The following ANXA11 variants were observed in gnomAD, a reference collection of about 807,000 sequenced individuals.
The protein encoded by ANXA11 is 56 kDa autoantigen.
Under a neutral mutation model 64.7 loss-of-function variants are expected in ANXA11, and 57 were observed. The observed-to-expected ratio is 0.88, with a 90% CI of 0.71 to 1.10. The LOEUF (loss-of-function observed/expected upper bound fraction) is 1.10. ANXA11 is among the 50% of genes least tolerant of loss of function. The pLI is 0.00. For synonymous variants in ANXA11, 260 were observed against 265.2 expected, an observed-to-expected ratio of 0.98 and a Z score of 0.19; for missense variants, 675 against 670.7, an observed-to-expected ratio of 1.01 and a Z score of -0.07.
intron 13 of ANXA11, among the ~76,000 whole-genome samples, 171 bp downstream of exon 13, chr10:80,158,929 G>C (rs1323511547): frequency 1.3e-5 from 2 of 152,130 alleles, no homozygotes; most frequent in East Asian, 1.9e-4. Context: ...ACTGCACAGG[G>C]AACCGGGAAG....
intron 1 of ANXA11, among the ~76,000 whole-genome samples, chr10:80,186,926 C>T (rs1846562992): frequency 6.6e-6 from 1 of 152,220 alleles, no homozygotes; most frequent in Non-Finnish European, 1.5e-5. Flanking sequence ...ACATAAGAGC[C>T]AATGCTCAGT....
intron 1 of ANXA11, among the ~76,000 whole-genome samples, chr10:80,198,124 G>C (rs1229282576): frequency 6.6e-6 from 1 of 152,234 alleles, no homozygotes; most frequent in Non-Finnish European, 1.5e-5. Flanking sequence ...AGGAACAGAA[G>C]CTGCCTTGCT....
chr10:80,173,197 A>G (rs1324596350), intron 2 of ANXA11, among the ~76,000 whole-genome samples: 1 of 152,230 alleles, frequency 6.6e-6, no homozygotes, highest in African/African-American at 2.4e-5. Context: ...GCAAGGGTGC[A>G]GTGCGCCTCT....
intron 1 of ANXA11, among the ~76,000 whole-genome samples, chr10:80,201,659 G>A (rs767638936): frequency 1.1e-4 from 16 of 152,162 alleles, no homozygotes; most frequent in Admixed American, 2.6e-4. Context: ...TGGGTTCTCA[G>A]TAATAAGCAG....
intron 12 of ANXA11, among the ~76,000 whole-genome samples, chr10:80,159,591 A>G (rs1845425295): frequency 6.6e-6 from 1 of 152,140 alleles, no homozygotes. Flanking sequence ...TGAGCAGACT[A>G]ACAGAGGACT....
chr10:80,165,880 C>A lies in ANXA11; in HGVS notation c.858+204G>T, dbSNP rs181155245. Among the ~76,000 whole-genome samples, 10 of 152,284 alleles carry A rather than the reference C, an allele frequency of 6.6e-5. No individual in the cohort carries two copies. The East Asian group carries it at 1.7e-3, about 26-fold the overall frequency. Reference sequence around the variant, plus strand: ...TGCGTCATTTGCCTCTTGGGGAAATCACAGGGAGTTCCCTTTTCTATAGCA... The same window carrying A: ...TGCGTCATTTGCCTCTTGGGGAAATAACAGGGAGTTCCCTTTTCTATAGCA... On this transcript the variant is annotated intron_variant, in intron 8 of 15. Transcript: ENST00000422982.
chr10:80,189,728 C>T (rs1425697593), intron 1 of ANXA11, among the ~76,000 whole-genome samples: 2 of 152,162 alleles, frequency 1.3e-5, no homozygotes, highest in Admixed American at 6.5e-5. Context: ...CACAAAGTTT[C>T]GGACTTTGGA....
At chr10:80,166,613 A>G in intron 7 of ANXA11, 1 of 510,106 alleles carries the variant, frequency 2.0e-6, no homozygotes. Context: ...AGGGCAGGGG[A>G]AGGAAAATGA....
At chr10:80,203,032 C>T (rs775372154) in intron 1 of ANXA11, among the ~76,000 whole-genome samples, 12 of 114,336 alleles carry the variant, frequency 1.0e-4, no homozygotes, top group African/African-American at 2.2e-4. Flanking sequence ...GGTGACAGGG[C>T]GAAATCTGTC....
chr10:80,189,501 C>T (rs547574306), intron 1 of ANXA11, among the ~76,000 whole-genome samples: 2 of 152,282 alleles, frequency 1.3e-5, no homozygotes, highest in East Asian at 3.9e-4. Context: ...ATAGAACTAC[C>T]ATACGATCCA....
rs538088576 is a variant in ANXA11 at position 80,160,413 on chromosome 10, T to G, written c.1181-1218A>C. ...CCTACTTCCTCTACCACCCTGTGCC[T>G]GCTTTCACAGCTGCGAATGGGGAGA... On this transcript the variant is annotated intron_variant, in intron 12 of 15. Transcript: ENST00000422982. 2.0e-5 allele frequency among the ~76,000 whole-genome samples: 3 copies of G among 152,330 alleles called. No individual in the cohort carries two copies. The East Asian group carries it at 5.8e-4, about 29-fold the overall frequency.
intron 8 of ANXA11, 128 bp downstream of exon 8, chr10:80,165,956 A>G: frequency 1.9e-6 from 1 of 523,908 alleles, no homozygotes; most frequent in Non-Finnish European, 3.4e-6. Context: ...AACAGCAGCT[A>G]ATGAGTGGGC....
Position 80,155,431 on chromosome 10 carries a change from C to G in ANXA11, c.*422G>C, listed in dbSNP as rs1308667599. 5.8e-6 allele frequency: 1 copy of G among 171,450 alleles called. No individual in the cohort carries two copies. The highest frequency in any genetic ancestry group is 2.4e-5 in the African/African-American group (1 of 42,024). The allele number at this position is 171,450 out of a possible 1,614,324, so 10.6% of individuals were successfully genotyped here. A position where few individuals can be genotyped will look rare whatever the true frequency, so the allele number is the denominator to read the frequency against. On this transcript the variant is annotated 3_prime_UTR_variant, in exon 16 of 16. Transcript: ENST00000422982. ...CTCAGCGAGGACACGGTGCTTCACC[C>G]ACCCAGTCGCCCTCACCAGAAATGT...
At chr10:80,188,525 T>G (rs2132473854) in intron 1 of ANXA11, among the ~76,000 whole-genome samples, 2 of 109,250 alleles carry the variant, frequency 1.8e-5, no homozygotes, top group East Asian at 2.7e-4. Flanking sequence ...CTACAACAGG[T>G]ATTAGCACAC....
intron 3 of ANXA11, chr10:80,171,946 C>G (rs918256647): frequency 9.2e-6 from 9 of 982,836 alleles, no homozygotes; most frequent in Non-Finnish European, 1.1e-5. Flanking sequence ...GGGACAGCAG[C>G]TGAGCCACCT....
chr10:80,187,512 G>A (rs567637596), intron 1 of ANXA11, among the ~76,000 whole-genome samples: 3 of 152,106 alleles, frequency 2.0e-5, no homozygotes, highest in Middle Eastern at 3.4e-3. Flanking sequence ...GGATTTAGAC[G>A]GAACCTAAGG....
intron 1 of ANXA11, among the ~76,000 whole-genome samples, chr10:80,193,143 G>C (rs1846841902): frequency 6.6e-6 from 1 of 152,090 alleles, no homozygotes; most frequent in African/African-American, 2.4e-5. Context: ...AGGAATATTG[G>C]GACAGGAAGG....
intron 8 of ANXA11, 149 bp from the exon 9 acceptor site, chr10:80,164,292 C>T (rs1845640262): frequency 4.9e-6 from 3 of 606,680 alleles, no homozygotes; most frequent in Admixed American, 5.5e-5. Context: ...CTCCCAGGCT[C>T]GAGGGCATCA....
intron 9 of ANXA11, 140 bp downstream of exon 9, chr10:80,163,913 A>G: frequency 1.4e-6 from 1 of 719,794 alleles, no homozygotes; most frequent in Non-Finnish European, 2.3e-6. Context: ...TCAAAGCCCA[A>G]AGTATTGGGG....
Sources: allele counts gnomAD v4.1 joint callset (sites outside exome capture counted in the v4.1 genomes callset), GRCh38; gene constraint gnomAD v4.1.1; transcripts MANE v1.5; gene names NCBI Gene and HGNC (gene_info 2026-07-23, HGNC 2026-07-21).